TINAG: variants seen among roughly 807,000 people sequenced by gnomAD.
The protein encoded by TINAG is tubulointerstitial nephritis antigen.
Under a neutral mutation model 72.7 loss-of-function variants are expected in TINAG, and 83 were observed. The ratio of observed to expected loss-of-function variants is 1.14; its 90% CI spans 0.96 to 1.37. TINAG has a LOEUF of 1.37. Ranked by LOEUF, TINAG falls within the 40% of genes most tolerant of loss-of-function variation. TINAG has a pLI of 0.00. For synonymous variants in TINAG, 234 were observed against 189.9 expected (o/e 1.23, Z -1.91); for missense variants, 685 against 576.6 (o/e 1.19, Z -1.93).
At chr6:54,334,134 C>T in intron 4 of TINAG, among the ~76,000 whole-genome samples, 1 of 152,166 alleles carries the variant, frequency 6.6e-6, no homozygotes, top group East Asian at 1.9e-4. Context: ...TGTTACCACC[C>T]AATGTGTGGT....
chr6:54,315,020 A>C (rs1784340125), intron 1 of TINAG, among the ~76,000 whole-genome samples: 1 of 152,138 alleles, frequency 6.6e-6, no homozygotes, highest in African/African-American at 2.4e-5. Flanking sequence ...CTACTTGAAA[A>C]TAGTACTACA....
intron 9 of TINAG, among the ~76,000 whole-genome samples, chr6:54,373,281 A>G (rs1763685922): frequency 6.6e-6 from 1 of 151,922 alleles, no homozygotes; most frequent in Non-Finnish European, 1.5e-5. Flanking sequence ...CTCTTCCAAA[A>G]CTTTCACGAT....
upstream of TINAG, chr6:54,308,058 G>T (rs948211794): frequency 1.3e-6 from 2 of 1,549,874 alleles, no homozygotes; most frequent in Non-Finnish European, 1.7e-6. Context: ...ATCCTAGCAG[G>T]CAACCTCATG....
rs3842089 is a variant in TINAG, at chr6:54,337,127, A to AT, written c.625-6090dup. 1.4e-3 allele frequency among the ~76,000 whole-genome samples: 207 copies of AT among 151,148 alleles called. 1 individual carries two copies. Among genetic ancestry groups the AT allele is most frequent in the African/African-American group, 4.1e-3 (170 of 41,238 alleles). ...CTAGATAACATGTAATAATATGAGG[A>AT]TTTTTTTTTCCTTTCAGAAATATAT... On this transcript the variant is annotated intron_variant, in intron 4 of 10. Coordinates refer to ENST00000259782, the MANE Select transcript of TINAG (RefSeq NM_014464.4).
chr6:54,352,113 A>C (rs2150961359), intron 8 of TINAG, among the ~76,000 whole-genome samples: 1 of 151,960 alleles, frequency 6.6e-6, no homozygotes, highest in East Asian at 2.0e-4. Flanking sequence ...AGTGCATGGA[A>C]GAACAAATCC....
chr6:54,309,680 C>T (rs1337170441), intron 1 of TINAG, among the ~76,000 whole-genome samples: 1 of 151,972 alleles, frequency 6.6e-6, no homozygotes, highest in Non-Finnish European at 1.5e-5. Flanking sequence ...TATTAAATCT[C>T]CTCAACAGAA....
intron 9 of TINAG, among the ~76,000 whole-genome samples, chr6:54,369,330 G>A (rs1222139176): frequency 2.0e-5 from 3 of 151,688 alleles, no homozygotes; most frequent in Non-Finnish European, 4.4e-5. Context: ...CTATTGATAT[G>A]GAAAGAAATA....
chr6:54,317,273 C>A (rs1433134721), intron 1 of TINAG, among the ~76,000 whole-genome samples: 1 of 151,792 alleles, frequency 6.6e-6, no homozygotes, highest in African/African-American at 2.4e-5. Context: ...TCATTTTTTT[C>A]TTTTCTTTTC....
At chr6:54,384,042 T>A (rs887608964) in intron 10 of TINAG, among the ~76,000 whole-genome samples, 1 of 152,198 alleles carries the variant, frequency 6.6e-6, no homozygotes, top group Non-Finnish European at 1.5e-5. Context: ...GATGAGTTTA[T>A]GTACTTTGCA....
intron 4 of TINAG, among the ~76,000 whole-genome samples, chr6:54,342,511 G>A (rs373797064): frequency 1.3e-5 from 2 of 152,012 alleles, no homozygotes; most frequent in East Asian, 3.9e-4. Context: ...TGGGATTACA[G>A]GTGCCCACCA....
intron 8 of TINAG, 89 bp from the exon 9 acceptor site, chr6:54,354,424 A>T: frequency 8.3e-7 from 1 of 1,211,482 alleles, no homozygotes; most frequent in Non-Finnish European, 1.2e-6. Context: ...CTTGCAATTT[A>T]CCCATTGGTT....
chr6:54,345,322 G>A (rs1227580582), intron 5 of TINAG, among the ~76,000 whole-genome samples: 3 of 152,020 alleles, frequency 2.0e-5, no homozygotes, highest in Admixed American at 2.0e-4. Flanking sequence ...CATAACATTA[G>A]GATTTAAAAC....
At chr6:54,375,785 T>C (rs1471915860) in intron 9 of TINAG, among the ~76,000 whole-genome samples, 1 of 152,210 alleles carries the variant, frequency 6.6e-6, no homozygotes, top group Non-Finnish European at 1.5e-5. Flanking sequence ...TATTTCTTGC[T>C]TGAATTGCAA....
At chr6:54,370,877 G>A (rs181176135) in intron 9 of TINAG, among the ~76,000 whole-genome samples, 16 of 152,128 alleles carry the variant, frequency 1.1e-4, no homozygotes, top group Non-Finnish European at 2.4e-4. Context: ...TGTCTTGTTT[G>A]ACACTGGTCC....
chr6:54,374,499 C>T (rs552408561), intron 9 of TINAG, among the ~76,000 whole-genome samples: 106 of 152,208 alleles, frequency 7.0e-4, no homozygotes, highest in African/African-American at 2.5e-3. Flanking sequence ...TTTTCATATT[C>T]AATAACACTT....
At chr6:54,327,937 G>A (rs892990282) in intron 4 of TINAG, among the ~76,000 whole-genome samples, 4 of 152,148 alleles carry the variant, frequency 2.6e-5, no homozygotes, top group Non-Finnish European at 5.9e-5. Flanking sequence ...TCTGGGCAGG[G>A]CATCTTTGAA....
chr6:54,321,060 A>G (rs1169046856), intron 2 of TINAG, among the ~76,000 whole-genome samples: 8 of 152,158 alleles, frequency 5.3e-5, no homozygotes, highest in East Asian at 1.9e-4. Context: ...TTGTTTTCAA[A>G]CTTCAGCAGA....
chr6:54,314,163 T>C (rs2150929880), intron 1 of TINAG, among the ~76,000 whole-genome samples: 1 of 152,294 alleles, frequency 6.6e-6, no homozygotes, highest in South Asian at 2.1e-4. Context: ...CTATGTACCA[T>C]ATAAGAACAT....
chr6:54,357,221 T>C (rs185664685), intron 9 of TINAG, among the ~76,000 whole-genome samples: 39 of 152,018 alleles, frequency 2.6e-4, no homozygotes, highest in African/African-American at 8.7e-4. Flanking sequence ...TGCTGCATTT[T>C]CCCCCCTGTA....
Sources: gnomAD v4.1 joint callset for allele counts (sites outside exome capture counted in the v4.1 genomes callset) on GRCh38, gnomAD v4.1.1 for gene constraint, MANE v1.5 for transcripts, NCBI Gene and HGNC (gene_info 2026-07-23, HGNC 2026-07-21) for gene names.